The following CAST variants were observed in gnomAD, a reference collection of about 807,000 sequenced individuals.
The protein encoded by CAST is calpastatin.
CAST carries 76 observed loss-of-function variants against 119.6 expected under a neutral mutation model. The ratio of observed to expected loss-of-function variants is 0.64; its 90% CI spans 0.53 to 0.77. The LOEUF is 0.77. Ranked by LOEUF, CAST falls within the 30% of genes least tolerant of loss-of-function variation. CAST has a pLI of 0.00. For missense variants in CAST, 953 were observed against 946.5 expected (o/e 1.01, Z -0.09); for synonymous variants, 319 against 331.6 (o/e 0.96, Z 0.41).
At chr5:96,038,284 G>A in the CAST span, among the ~76,000 whole-genome samples, 1 of 152,122 alleles carries the variant, frequency 6.6e-6, no homozygotes, top group African/African-American at 2.4e-5. Flanking sequence ...ATAAATGGAT[G>A]AGAATAGACA....
chr5:96,534,747 A>AAGAGAAAGAGAAAG (rs1400894061), intron 1 of CAST, among the ~76,000 whole-genome samples: 3 of 28,456 alleles, frequency 1.1e-4, no homozygotes, highest in Non-Finnish European at 2.0e-4. Context: ...GAGAGAAAGA[A>AAGAGAAAGAGAAAG]AGAAAGAAAG....
the CAST span, among the ~76,000 whole-genome samples, chr5:96,361,420 G>A: frequency 2.0e-5 from 3 of 152,296 alleles, no homozygotes; most frequent in South Asian, 4.1e-4. Context: ...CTGCCCAAAT[G>A]GCTGCCCAGT....
the CAST span, among the ~76,000 whole-genome samples, chr5:96,357,976 G>A: frequency 6.6e-6 from 1 of 151,952 alleles, no homozygotes; most frequent in African/African-American, 2.4e-5. Context: ...TTTTTTTGTT[G>A]GTAGGCTATT....
the CAST span, among the ~76,000 whole-genome samples, chr5:96,233,174 A>C: frequency 6.6e-6 from 1 of 152,130 alleles, no homozygotes; most frequent in Non-Finnish European, 1.5e-5. Context: ...CTATATGTAG[A>C]TACAATATCA....
At chr5:96,056,866 G>A in the CAST span, among the ~76,000 whole-genome samples, 2 of 152,026 alleles carry the variant, frequency 1.3e-5, no homozygotes, top group Admixed American at 6.6e-5. Context: ...ATCTAGTGAG[G>A]GATCTCTCTA....
chr5:96,730,713 T>G, intron 8 of CAST, 67 bp from the exon 9 acceptor site: 1 of 1,171,498 alleles, frequency 8.5e-7, no homozygotes, highest in Non-Finnish European at 1.3e-6. Flanking sequence ...CATTTGAAAC[T>G]CATGATCTTG....
chr5:96,722,685 C>T lies in CAST; in HGVS notation c.257C>T (p.Pro86Leu), dbSNP rs1478587541. 1 of 1,611,534 alleles carries T rather than the reference C, an allele frequency of 6.2e-7. No homozygotes were observed. Among genetic ancestry groups the T allele is most frequent in the Admixed American group, 1.7e-5 (1 of 60,020 alleles). Residue 86 changes from proline to leucine, a missense_variant, in exon 4 of 32, where the codon CCC (proline) becomes CTC (leucine). By Grantham distance (98) the Pro-to-Leu change is moderately conservative. Transcript: ENST00000675179. ...ACCAGCAAGTCTTCCAGTATGAATC[C>T]CACAGAAACCAAGGTATGAAGAATG... ...GATSKSSSMN[P>L]TETKAIPVSQ...
At chr5:96,276,794 C>A in the CAST span, among the ~76,000 whole-genome samples, 2 of 152,166 alleles carry the variant, frequency 1.3e-5, no homozygotes, top group South Asian at 2.1e-4. Context: ...TGTTTCCCAT[C>A]CCTCATGCCC....
At chr5:96,231,375 C>T in the CAST span, among the ~76,000 whole-genome samples, 5 of 151,966 alleles carry the variant, frequency 3.3e-5, no homozygotes, top group African/African-American at 9.7e-5. Context: ...GGAAGCCAGT[C>T]GTAAGATACC....
intron 2 of CAST, among the ~76,000 whole-genome samples, chr5:96,689,604 G>A (rs1054583377): frequency 2.0e-5 from 3 of 152,046 alleles, no homozygotes; most frequent in Admixed American, 1.3e-4. Context: ...ACACACATGC[G>A]CCTTATGGCA....
the CAST span, chr5:96,215,618 G>T: frequency 1.3e-5 from 2 of 152,006 alleles, no homozygotes; most frequent in Non-Finnish European, 2.9e-5. Flanking sequence ...AAATATGCCT[G>T]TCTCTCCTAC....
the CAST span, among the ~76,000 whole-genome samples, chr5:96,468,108 C>T: frequency 6.6e-6 from 1 of 152,104 alleles, no homozygotes; most frequent in African/African-American, 2.4e-5. Flanking sequence ...TATTTTATGG[C>T]TAAGTGAAGT....
intron 1 of CAST, 47 bp downstream of exon 1, chr5:96,662,544 C>G: frequency 7.5e-7 from 1 of 1,335,776 alleles, no homozygotes; most frequent in South Asian, 2.0e-5. Context: ...GATGGGGTAC[C>G]GGGTCCCGGA....
At chr5:96,710,657 G>A (rs1164078511) in intron 3 of CAST, among the ~76,000 whole-genome samples, 2 of 152,072 alleles carry the variant, frequency 1.3e-5, no homozygotes, top group African/African-American at 4.8e-5. Context: ...CAATAATTAT[G>A]AACATTTTTA....
the CAST span, among the ~76,000 whole-genome samples, chr5:96,072,567 G>A: frequency 6.6e-6 from 1 of 152,190 alleles, no homozygotes; most frequent in African/African-American, 2.4e-5. Flanking sequence ...TTGAGTTTCA[G>A]GGAGGATTTT....
the CAST span, among the ~76,000 whole-genome samples, chr5:96,300,089 G>A: frequency 6.6e-6 from 1 of 152,032 alleles, no homozygotes; most frequent in Non-Finnish European, 1.5e-5. Context: ...CCTCTGTTGT[G>A]CAGAAGTTTC....
the CAST span, among the ~76,000 whole-genome samples, chr5:96,324,585 T>G: frequency 6.6e-6 from 1 of 152,224 alleles, no homozygotes; most frequent in Non-Finnish European, 1.5e-5. Context: ...ATTCTTTATT[T>G]GTAATTCAAG....
the CAST span, among the ~76,000 whole-genome samples, chr5:96,338,833 C>A: frequency 6.6e-6 from 1 of 152,046 alleles, no homozygotes; most frequent in South Asian, 2.1e-4. Flanking sequence ...CTTGCTCAGA[C>A]CTTTGGACTT....
At chr5:96,347,297 C>A in the CAST span, among the ~76,000 whole-genome samples, 1 of 152,240 alleles carries the variant, frequency 6.6e-6, no homozygotes, top group East Asian at 1.9e-4. Flanking sequence ...GGTCCATGAA[C>A]CTGTTTCTAC....
Sources: gnomAD v4.1 joint callset for allele counts (sites outside exome capture counted in the v4.1 genomes callset) on GRCh38, gnomAD v4.1.1 for gene constraint, MANE v1.5 for transcripts, NCBI Gene and HGNC (gene_info 2026-07-23, HGNC 2026-07-21) for gene names.